NACA: variants seen among roughly 807,000 people sequenced by gnomAD.
NACA encodes nascent polypeptide associated complex subunit alpha.
A neutral mutation model predicts 86.4 loss-of-function variants in NACA; 42 were observed. The observed-to-expected ratio is 0.49, with a 90% CI of 0.38 to 0.63. The LOEUF (loss-of-function observed/expected upper bound fraction) is 0.63. NACA is among the 20% of genes least tolerant of loss of function. The probability of loss-of-function intolerance (pLI) is 0.00; values close to 1 mark genes in which losing one functional copy is unlikely to be tolerated. For synonymous variants in NACA, 898 were observed against 973.7 expected (o/e 0.92, Z 1.45); for missense variants, 2,157 against 2,483.6 (o/e 0.87, Z 2.80).
At chr12:56,714,787 G>T (rs977885149) in intron 3 of NACA, 100 bp from the exon 4 acceptor site, 1 of 1,068,024 alleles carries the variant, frequency 9.4e-7, no homozygotes, top group Non-Finnish European at 1.4e-6. Flanking sequence ...CCTCATGCTA[G>T]ACCTAAGAAT....
intron 2 of NACA, among the ~76,000 whole-genome samples, chr12:56,723,412 C>T (rs1006933573): frequency 3.3e-5 from 5 of 152,170 alleles, no homozygotes; most frequent in Admixed American, 2.6e-4. Context: ...TCTAAAATCT[C>T]GTTTTGTACT....
chr12:56,721,914 A>G (rs1241214966), intron 2 of NACA, among the ~76,000 whole-genome samples: 1 of 152,146 alleles, frequency 6.6e-6, no homozygotes, highest in Non-Finnish European at 1.5e-5. Flanking sequence ...TACTCTGTCC[A>G]CCCAAATATC....
Position 56,719,569 on chromosome 12 carries a change from T to A in NACA, c.1961A>T (p.Asp654Val). 6.2e-7 allele frequency: 1 copy of A among 1,613,816 alleles called. No homozygotes were observed. Among genetic ancestry groups the A allele is most frequent in the East Asian group, 2.2e-5 (1 of 44,878 alleles). The change falls in exon 3 of 9, where the codon GAC (aspartate) becomes GTC (valine). Residue 654 changes from aspartate to valine, a missense_variant. Asp to Val is a radical substitution (Grantham distance 152). Coordinates refer to ENST00000454682, the MANE Select transcript of NACA (RefSeq NM_001365896.1). ...AGTTGTGGGAGCCACCCCGGCAGGGTCAGCACTTTCCAAAGGAAATGCAGC... is the reference window on the plus strand; with the variant it reads ...AGTTGTGGGAGCCACCCCGGCAGGGACAGCACTTTCCAAAGGAAATGCAGC... ...TVAAFPLESA[D>V]PAGVAPTTAK...
Position 56,719,418 on chromosome 12 carries a change from A to G in NACA, c.2112T>C (p.Ala704=). The change falls in exon 3 of 9, where the codon GCT becomes GCC. Residue 704 remains alanine (A), a synonymous_variant. Coordinates refer to ENST00000454682, the MANE Select transcript of NACA (RefSeq NM_001365896.1). ...TLTTLPLVPT[A]SENCPVAPSP... ...ATGGAGCCACAGGGCAATTTTCTGAAGCTGTAGGAACCAAGGGTAAAGTAG... is the reference window on the plus strand; with the variant it reads ...ATGGAGCCACAGGGCAATTTTCTGAGGCTGTAGGAACCAAGGGTAAAGTAG... 1 of 1,611,950 alleles carries G rather than the reference A, an allele frequency of 6.2e-7. No individual in the cohort carries two copies. Among genetic ancestry groups the G allele is most frequent in the South Asian group, 1.1e-5 (1 of 90,380 alleles).
rs1592309981 is a variant in NACA, at chr12:56,714,599, C to G, written c.5745+3G>C. 1 of 1,614,086 alleles carries G rather than the reference C, an allele frequency of 6.2e-7. No homozygotes were observed. The highest frequency in any genetic ancestry group is 8.5e-7 in the Non-Finnish European group (1 of 1,179,980). ...CAATACCAGTTAGTAAGAGAATACC[C>G]ACCTGGGCTTGTTGTGTGGTTGCCT... is the stretch of plus-strand genomic sequence containing the variant. On this transcript the variant is annotated splice_donor_region_variant and intron_variant, in intron 4 of 8. Coordinates refer to ENST00000454682, the MANE Select transcript of NACA (RefSeq NM_001365896.1).
intron 2 of NACA, among the ~76,000 whole-genome samples, chr12:56,722,636 C>G (rs1399212833): frequency 6.6e-6 from 1 of 152,030 alleles, no homozygotes; most frequent in Non-Finnish European, 1.5e-5. Flanking sequence ...TGCAGTGAGC[C>G]AAGATCGCGC....
intron 5 of NACA, chr12:56,713,973 C>A: frequency 2.4e-6 from 1 of 410,712 alleles, no homozygotes; most frequent in Non-Finnish European, 4.4e-6. Context: ...ACCTTAGTAG[C>A]TGGGATTACA....
rs770613687 is a variant in NACA at position 56,717,150 on chromosome 12, G to C, written c.4380C>G (p.Ser1460=). 1 of 1,294,338 alleles carries C rather than the reference G, an allele frequency of 7.7e-7. No homozygotes were observed. The highest frequency in any genetic ancestry group is 1.0e-6 in the Non-Finnish European group (1 of 1,000,754). 80.2% of individuals were successfully genotyped at this position (1,294,338 alleles called of 1,614,324 possible). Residue 1460 remains serine (S), a synonymous_variant, in exon 3 of 9, where the codon TCC becomes TCG. Coordinates refer to ENST00000454682, the MANE Select transcript of NACA (RefSeq NM_001365896.1). ...CTGGGAGGGTGGGATCCCCTTTGGAGGATGGGGTAGCTGGGCCTCCTTTGG... is the reference window on the plus strand; with the variant it reads ...CTGGGAGGGTGGGATCCCCTTTGGACGATGGGGTAGCTGGGCCTCCTTTGG... ...SAPKGGPATP[S]SKGDPTLPAV... is the part of the protein sequence containing the mutation.
rs767330028 is a variant in NACA, at chr12:56,717,279, TGCTGGA to T, written c.4245_4250del (p.Pro1416_Ala1417del). ...CTGCGCCTTCTCTGGTGACTGGAGT[TGCTGGA>T]GCCTTTTTGGGGGAGAGAGGAATCA... On this transcript the variant is annotated inframe_deletion, in exon 3 of 9. Coordinates refer to ENST00000454682, the MANE Select transcript of NACA (RefSeq NM_001365896.1). The T allele has an allele frequency of 4.2e-5, 56 of 1,329,244 alleles. No homozygotes were observed. The East Asian group carries it at 1.3e-3, about 32-fold the overall frequency. 82.3% of individuals were successfully genotyped at this position (1,329,244 alleles called of 1,614,324 possible).
At chr12:56,722,815 C>T (rs1233908538) in intron 2 of NACA, among the ~76,000 whole-genome samples, 2 of 141,310 alleles carry the variant, frequency 1.4e-5, no homozygotes, top group Admixed American at 8.0e-5. Flanking sequence ...GACAGTAAGA[C>T]AGTATCTCTG....
At chr12:56,713,870 C>T (rs1953280219) in intron 5 of NACA, 187 bp from the exon 6 acceptor site, 2 of 608,730 alleles carry the variant, frequency 3.3e-6, no homozygotes, top group Non-Finnish European at 5.6e-6. Context: ...GGAGGCAGGT[C>T]TTGCTCTGTC....
rs753674212 is a variant in NACA, at chr12:56,718,836, C to T, written c.2694G>A (p.Glu898=). The change falls in exon 3 of 9, where the codon GAG becomes GAA. Residue 898 remains glutamate (E), a synonymous_variant. Coordinates refer to ENST00000454682, the MANE Select transcript of NACA (RefSeq NM_001365896.1). ...PSVVNLPFPK[E]GPATPAPKQA... Reference sequence around the variant, plus strand: ...GTTTGGGTGCTGGAGTAGCTGGACCCTCTTTGGGGAAGGGCAGATTCACCA... The same window carrying T: ...GTTTGGGTGCTGGAGTAGCTGGACCTTCTTTGGGGAAGGGCAGATTCACCA... The T allele has an allele frequency of 7.0e-7, 1 of 1,435,542 alleles. No homozygotes were observed. Among genetic ancestry groups the T allele is most frequent in the African/African-American group, 1.4e-5 (1 of 69,868 alleles). The allele number at this position is 1,435,542 out of a possible 1,614,324, so 88.9% of individuals were successfully genotyped here. A position where few individuals can be genotyped will look rare whatever the true frequency, so the allele number is the denominator to read the frequency against.
At position 56,717,311 on chromosome 12, in the gene NACA, C is replaced by A; in HGVS notation, c.4219G>T (p.Val1407Leu). The A allele has an allele frequency of 7.5e-7, 1 of 1,341,106 alleles. No individual in the cohort carries two copies. 83.1% of individuals were successfully genotyped at this position (1,341,106 alleles called of 1,614,324 possible). A position where few individuals can be genotyped will look rare whatever the true frequency, so the allele number is the denominator to read the frequency against. ...GCCTTTTTGGGGGAGAGAGGAATCACTGCTGGGGAAGTGGGGTCCCCTTTG... is the reference window on the plus strand; with the variant it reads ...GCCTTTTTGGGGGAGAGAGGAATCAATGCTGGGGAAGTGGGGTCCCCTTTG... Reference protein sequence around the residue: ...SPKGDPTSPAVIPLSPKKAPA... With the variant: ...SPKGDPTSPALIPLSPKKAPA... Residue 1407 changes from valine (V) to leucine (L), a missense_variant, in exon 3 of 9, where the codon GTG (valine) becomes TTG (leucine). Transcript: ENST00000454682.
Position 56,714,351 on chromosome 12 carries a change from T to C in NACA, c.5823+11A>G. 1.2e-6 allele frequency: 2 copies of C among 1,613,534 alleles called. No individual in the cohort carries two copies. The highest frequency in any genetic ancestry group is 1.7e-6 in the Non-Finnish European group (2 of 1,179,424). Reference sequence around the variant, plus strand: ...GCTTCATAAGATCCTGAAATCCTTTTCAAATCTTACCTTCCGTGCCTTCTT... The same window carrying C: ...GCTTCATAAGATCCTGAAATCCTTTCCAAATCTTACCTTCCGTGCCTTCTT... On this transcript the variant is annotated intron_variant, in intron 5 of 8. Transcript: ENST00000454682.
At position 56,721,310 on chromosome 12, in the gene NACA, C is replaced by T. The variant is rs767891304; in HGVS notation, c.220G>A (p.Ala74Thr). 1 of 1,597,868 alleles carries T rather than the reference C, an allele frequency of 6.3e-7. No individual in the cohort carries two copies. Among genetic ancestry groups the T allele is most frequent in the Admixed American group, 1.7e-5 (1 of 58,272 alleles). ...AAAGGAACTTCTAAAGGGGTCGAGG[C>T]AATAGTAGAGGGGGAAGGGAATGGG... is the stretch of plus-strand genomic sequence containing the variant. The part of the protein sequence containing the change: ...ASPFPSPSTI[A>T]STPLEVPFPQ... The change falls in exon 3 of 9, where the codon GCC becomes ACC. Residue 74 changes from alanine to threonine, a missense_variant. Coordinates refer to ENST00000454682, the MANE Select transcript of NACA (RefSeq NM_001365896.1).
chr12:56,723,528 T>TAAGACAGCTGTAGTATAAGC (rs1250141062), intron 2 of NACA, among the ~76,000 whole-genome samples: 1 of 152,204 alleles, frequency 6.6e-6, no homozygotes, highest in Admixed American at 6.5e-5. Flanking sequence ...GAGCCCCCTA[T>TAAGACAGCTGTAGTATAAGC]TGTCCTTCCT....
Position 56,720,090 on chromosome 12 carries a change from A to C in NACA, c.1440T>G (p.Pro480=), listed in dbSNP as rs755293497. 6.2e-7 allele frequency: 1 copy of C among 1,613,992 alleles called. No individual in the cohort carries two copies. Among genetic ancestry groups the C allele is most frequent in the African/African-American group, 1.3e-5 (1 of 75,034 alleles). The change falls in exon 3 of 9, where the codon CCT becomes CCG. Residue 480 remains proline, a synonymous_variant. Transcript: ENST00000454682. ...CCACAGGTGCCATAACCAAGGCAGC[A>C]GGGGAAGTTGGTTCTATGTTACTTA... The part of the protein sequence containing the change: ...GPISNIEPTS[P]AALVMAPVAP...
chr12:56,719,952 A>G lies in NACA; in HGVS notation c.1578T>C (p.Phe526=), dbSNP rs763149134. Residue 526 remains phenylalanine (F), a synonymous_variant, in exon 3 of 9, where the codon TTT becomes TTC. Coordinates refer to ENST00000454682, the MANE Select transcript of NACA (RefSeq NM_001365896.1). The stretch of plus-strand genomic sequence containing the variant: ...CAGTTTGGAGGTCTTTTTGTGTTGG[A>G]AATTTAACCAATACTGAACTGGGGA... ...KNLPSSVLVK[F]PTQKDLQTVP... 22 of 1,613,834 alleles carry G rather than the reference A, an allele frequency of 1.4e-5. No homozygotes were observed. Among genetic ancestry groups the G allele is most frequent in the Non-Finnish European group, 1.8e-5 (21 of 1,179,858 alleles).
Sources: gnomAD v4.1 joint callset for allele counts (sites outside exome capture counted in the v4.1 genomes callset) on GRCh38, gnomAD v4.1.1 for gene constraint, MANE v1.5 for transcripts, NCBI Gene and HGNC (gene_info 2026-07-23, HGNC 2026-07-21) for gene names.